Variants in TIMM44 observed in about 807,000 individuals in gnomAD.
TIMM44 encodes translocase of inner mitochondrial membrane 44, also known as mitochondrial import inner membrane translocase subunit TIM44.
In TIMM44, 37 loss-of-function variants were observed where a neutral mutation model predicts 63.8. The observed-to-expected ratio is 0.58, with a 90% CI of 0.45 to 0.76. TIMM44 has a LOEUF of 0.76. TIMM44 is among the 30% of genes least tolerant of loss of function. TIMM44 has a pLI of 0.00. For missense variants in TIMM44, 573 were observed against 603.8 expected (o/e 0.95, Z 0.54); for synonymous variants, 239 against 245.1 (o/e 0.98, Z 0.23).
chr19:7,926,987 C>A lies in TIMM44; in HGVS notation c.*200G>T. The A allele has an allele frequency of 2.8e-6, 2 of 717,046 alleles. No individual in the cohort carries two copies. Among genetic ancestry groups the A allele is most frequent in the Admixed American group, 2.3e-5 (1 of 43,388 alleles). 44.4% of individuals were successfully genotyped at this position (717,046 alleles called of 1,614,324 possible). A position where few individuals can be genotyped will look rare whatever the true frequency, so the allele number is the denominator to read the frequency against. On this transcript the variant is annotated 3_prime_UTR_variant, in exon 13 of 13. Coordinates refer to ENST00000270538, the MANE Select transcript of TIMM44 (RefSeq NM_006351.4). ...AGCAACAGGGCAGGGGTTGGCCCTG[C>A]GGGGGAGTGTCTCCAGCTGCCGCGC...
At chr19:7,941,666 GA>G (rs1289232103) in intron 1 of TIMM44, among the ~76,000 whole-genome samples, 35 of 151,860 alleles carry the variant, frequency 2.3e-4, no homozygotes, top group Admixed American at 2.3e-3. Flanking sequence ...GAAGCAAGCA[GA>G]AGCTGGTGGA....
Position 7,926,930 on chromosome 19 carries a change from G to A in TIMM44, c.*257C>T. The stretch of plus-strand genomic sequence containing the variant: ...CACTGTGTGACCTGTGTGCACCCCA[G>A]GTGACCAGGCGCCGGGACCCCTGCA... On this transcript the variant is annotated 3_prime_UTR_variant, in exon 13 of 13. Transcript: ENST00000270538. 1 of 493,466 alleles carries A rather than the reference G, an allele frequency of 2.0e-6. No homozygotes were observed. Among genetic ancestry groups the A allele is most frequent in the Non-Finnish European group, 3.7e-6 (1 of 269,700 alleles). 30.6% of individuals were successfully genotyped at this position (493,466 alleles called of 1,614,324 possible).
chr19:7,938,033 C>T lies in TIMM44; in HGVS notation c.306G>A (p.Arg102=), dbSNP rs540213618. Residue 102 remains arginine, a synonymous_variant, in exon 3 of 13, where the codon AGG becomes AGA. Coordinates refer to ENST00000270538, the MANE Select transcript of TIMM44 (RefSeq NM_006351.4). ...AAGCAGCAAAGAAACTCACGTATTT[C>T]CTTCTGGCCTCCTGGAGCACGTCTG... The part of the protein sequence containing the change: ...EESDVLQEAR[R]KYKTIESETV... 6.2e-7 allele frequency: 1 copy of T among 1,614,044 alleles called. No individual in the cohort carries two copies. The highest frequency in any genetic ancestry group is 1.3e-5 in the African/African-American group (1 of 75,034).
rs760730559 is a variant in TIMM44 at position 7,927,717 on chromosome 19, G to C, written c.1179C>G (p.Phe393Leu). ...MEQGPVLIIT[F>L]QAQLVMVVRN... ...TGACCACCATCACCAGCTGTGCCTG[G>C]AAGGTGATGATCAGCACCGGCCCCT... Residue 393 changes from phenylalanine to leucine, a missense_variant, in exon 12 of 13, where the codon TTC becomes TTG. Transcript: ENST00000270538. 1 of 1,613,280 alleles carries C rather than the reference G, an allele frequency of 6.2e-7. No homozygotes were observed. The highest frequency in any genetic ancestry group is 1.7e-5 in the Admixed American group (1 of 60,026).
At chr19:7,939,505 C>G (rs1984244689) in intron 2 of TIMM44, among the ~76,000 whole-genome samples, 1 of 150,976 alleles carries the variant, frequency 6.6e-6, no homozygotes, top group Non-Finnish European at 1.5e-5. Context: ...GCCAGCTACT[C>G]AGGAGGCTGA....
In TIMM44 at chr19:7,928,186, C is replaced by T. The variant is rs749841411; in HGVS notation, c.1039-20G>A. ...GTAAGTCTGCAATGAGAGGCCGACA[C>T]GCCTGCGTGATGCCACCCAGGGTGG... On this transcript the variant is annotated intron_variant, in intron 10 of 12. Coordinates refer to ENST00000270538, the MANE Select transcript of TIMM44 (RefSeq NM_006351.4). The T allele has an allele frequency of 1.9e-5, 31 of 1,607,224 alleles. No homozygotes were observed. The highest frequency in any genetic ancestry group is 2.2e-5 in the South Asian group (2 of 90,484).
chr19:7,933,908 A>G lies in TIMM44; in HGVS notation c.639T>C (p.Phe213=). The G allele has an allele frequency of 1.2e-6, 2 of 1,614,100 alleles. No homozygotes were observed. The highest frequency in any genetic ancestry group is 2.2e-5 in the South Asian group (2 of 91,086). Residue 213 remains phenylalanine, a synonymous_variant, in exon 6 of 13, where the codon TTT becomes TTC. Coordinates refer to ENST00000270538, the MANE Select transcript of TIMM44 (RefSeq NM_006351.4). The surrounding 1 kb of genome is among the most constrained non-coding windows in gnomAD (Gnocchi z 4.3). Reference sequence around the variant, plus strand: ...TCTCCTCCTTGAACTTATCTCCCGCAAACTCCGTTCTCTTCCGGAGTCGCT... The same window carrying G: ...TCTCCTCCTTGAACTTATCTCCCGCGAACTCCGTTCTCTTCCGGAGTCGCT... ...RPQRLRKRTE[F]AGDKFKEEKV...
chr19:7,942,590 C>T (rs556755735), intron 1 of TIMM44, among the ~76,000 whole-genome samples: 1 of 152,160 alleles, frequency 6.6e-6, no homozygotes, highest in Non-Finnish European at 1.5e-5. Context: ...CTGCCTCCTA[C>T]CTCTGAGAAC....
chr19:7,935,167 C>CTT (rs753419157), intron 3 of TIMM44, 22 bp from the exon 4 acceptor site: 142,718 of 1,192,032 alleles, frequency 0.12, 4,029 homozygotes, highest in African/African-American at 0.17. Context: ...GCGCTGTGTC[C>CTT]TTTTTTTTTT....
Position 7,933,369 on chromosome 19 carries a change from C to G in TIMM44, c.769+116G>C. 1 of 944,794 alleles carries G rather than the reference C, an allele frequency of 1.1e-6. No individual in the cohort carries two copies. Among genetic ancestry groups the G allele is most frequent in the South Asian group, 1.3e-5 (1 of 77,286 alleles). 58.5% of individuals were successfully genotyped at this position (944,794 alleles called of 1,614,324 possible). A position where few individuals can be genotyped will look rare whatever the true frequency, so the allele number is the denominator to read the frequency against. ...AAAGAAGTGACCGGCCCACTCTGAC[C>G]CCGATCTCCTCCTCTGCAAAACGGG... On this transcript the variant is annotated intron_variant, in intron 7 of 12. Transcript: ENST00000270538. The surrounding 1 kb of genome is among the most constrained non-coding windows in gnomAD (Gnocchi z 4.3).
At chr19:7,930,259 T>TCCCTAA (rs1431564179) in intron 10 of TIMM44, among the ~76,000 whole-genome samples, 1 of 149,312 alleles carries the variant, frequency 6.7e-6, no homozygotes, top group Non-Finnish European at 1.5e-5. Flanking sequence ...CACCTCAGCC[T>TCCCTAA]CCCTAATAGC....
At position 7,936,095 on chromosome 19, in the gene TIMM44, C is replaced by T. The variant is rs143527269; in HGVS notation, c.313-950G>A. Among the ~76,000 whole-genome samples, 1,496 of 152,298 alleles carry T rather than the reference C, an allele frequency of 9.8e-3. 27 individuals are homozygous for T. The highest frequency in any genetic ancestry group is 0.034 in the African/African-American group (1,424 of 41,554). The stretch of plus-strand genomic sequence containing the variant: ...CCTGAACATGGGAAGGTCAAAACTG[C>T]AGTGAGCTGTGATCACACCACTGCA... On this transcript the variant is annotated intron_variant, in intron 3 of 12. Transcript: ENST00000270538.
chr19:7,943,502 C>A lies in TIMM44; in HGVS notation c.45+105G>T. 7.6e-7 allele frequency: 1 copy of A among 1,324,498 alleles called. No individual in the cohort carries two copies. Among genetic ancestry groups the A allele is most frequent in the Non-Finnish European group, 1.0e-6 (1 of 954,362 alleles). 82.0% of individuals were successfully genotyped at this position (1,324,498 alleles called of 1,614,324 possible). ...ATCTAACCCCAAGCTTTCTAAGGAGCCCAAGCAAGGGTCGCGAAGGCCAAG... is the reference window on the plus strand; with the variant it reads ...ATCTAACCCCAAGCTTTCTAAGGAGACCAAGCAAGGGTCGCGAAGGCCAAG... On this transcript the variant is annotated intron_variant, in intron 1 of 12. Coordinates refer to ENST00000270538, the MANE Select transcript of TIMM44 (RefSeq NM_006351.4). This position sits in a 1 kb window ranked among gnomAD's most constrained non-coding sequence, Gnocchi z 4.3.
At position 7,931,102 on chromosome 19, in the gene TIMM44, TA is replaced by T. The variant is rs58157552; in HGVS notation, c.1038+35del. On this transcript the variant is annotated intron_variant, in intron 10 of 12. Coordinates refer to ENST00000270538, the MANE Select transcript of TIMM44 (RefSeq NM_006351.4). ...TTCTCCATGGTGATTTTTTAGGCCT[TA>T]AAAAAAAAAAAAGAAAAAGAAAGGA... 124,001 of 1,237,228 alleles carry T rather than the reference TA, an allele frequency of 0.1. No individual in the cohort carries two copies. Among genetic ancestry groups the T allele is most frequent in the South Asian group, 0.11 (7,838 of 69,442 alleles). 76.6% of individuals were successfully genotyped at this position (1,237,228 alleles called of 1,614,324 possible). A position where few individuals can be genotyped will look rare whatever the true frequency, so the allele number is the denominator to read the frequency against.
intron 11 of TIMM44, 36 bp from the exon 12 acceptor site, chr19:7,927,803 G>C: frequency 6.3e-7 from 1 of 1,594,354 alleles, no homozygotes; most frequent in Non-Finnish European, 8.5e-7. Flanking sequence ...GTGCCTCAGA[G>C]GACAGCCCGG....
rs1253124066 is a variant in TIMM44, at chr19:7,943,086, C to A, written c.45+521G>T. 5.3e-5 allele frequency among the ~76,000 whole-genome samples: 8 copies of A among 151,264 alleles called. No individual in the cohort carries two copies. In the South Asian group the frequency reaches 1.7e-3, roughly 32 times the overall value. ...AAAAAGAAAAAACGAAGAGCACGAGCAATATGAAGTACTACTTTCTGAGTG... is the reference window on the plus strand; with the variant it reads ...AAAAAGAAAAAACGAAGAGCACGAGAAATATGAAGTACTACTTTCTGAGTG... On this transcript the variant is annotated intron_variant, in intron 1 of 12. Transcript: ENST00000270538. This position sits in a 1 kb window ranked among gnomAD's most constrained non-coding sequence, Gnocchi z 4.3.
chr19:7,928,101 G>T lies in TIMM44; in HGVS notation c.1104C>A (p.Arg368=), dbSNP rs764339222. ...AKALGLQFHS[R]ILDIDNVDLA... is the part of the protein sequence containing the mutation. ...CGTCGACGTTGTCAATGTCTAGGAT[G>T]CGAGAATGGAACTGGAGACCCAGTG... The change falls in exon 11 of 13, where the codon CGC becomes CGA. Residue 368 remains arginine (R), a synonymous_variant. Coordinates refer to ENST00000270538, the MANE Select transcript of TIMM44 (RefSeq NM_006351.4). 5.1e-5 allele frequency: 82 copies of T among 1,613,962 alleles called. No homozygotes were observed. Among genetic ancestry groups the T allele is most frequent in the Non-Finnish European group, 6.4e-5 (76 of 1,179,980 alleles).
In TIMM44 at chr19:7,943,083, G is replaced by A. The variant is rs1432066177; in HGVS notation, c.45+524C>T. 6.6e-6 allele frequency among the ~76,000 whole-genome samples: 1 copy of A among 150,794 alleles called. No homozygotes were observed. The highest frequency in any genetic ancestry group is 1.5e-5 in the Non-Finnish European group (1 of 67,832). ...AGAAAAAAGAAAAAACGAAGAGCAC[G>A]AGCAATATGAAGTACTACTTTCTGA... On this transcript the variant is annotated intron_variant, in intron 1 of 12. Transcript: ENST00000270538. This position sits in a 1 kb window ranked among gnomAD's most constrained non-coding sequence, Gnocchi z 4.3.
intron 10 of TIMM44, among the ~76,000 whole-genome samples, chr19:7,930,547 T>C (rs1002993044): frequency 1.3e-5 from 2 of 151,762 alleles, no homozygotes; most frequent in African/African-American, 4.8e-5. Flanking sequence ...GCTCAGGCAA[T>C]CGCCTGCCTT....
Sources: allele counts gnomAD v4.1 joint callset (sites outside exome capture counted in the v4.1 genomes callset), GRCh38; gene constraint gnomAD v4.1.1; non-coding constraint Gnocchi (gnomAD v3.1); transcripts MANE v1.5; gene names NCBI Gene and HGNC (gene_info 2026-07-23, HGNC 2026-07-21).